CADM1: variants seen among roughly 807,000 people sequenced by gnomAD.
CADM1 encodes the protein TSLC-1.
A neutral mutation model predicts 53.1 loss-of-function variants in CADM1; 15 were observed. That is an observed-to-expected ratio of 0.28 (90% CI 0.19 to 0.44). The LOEUF (loss-of-function observed/expected upper bound fraction) is 0.44. Among genes scored for constraint, CADM1 ranks in the 20% least tolerant of loss-of-function variants. The probability of loss-of-function intolerance (pLI) is 1.00; values close to 1 mark genes in which losing one functional copy is unlikely to be tolerated. For missense variants in CADM1, 434 were observed against 611.3 expected (o/e 0.71, Z 3.06); for synonymous variants, 281 against 243.0 (o/e 1.16, Z -1.45).
intron 1 of CADM1, among the ~76,000 whole-genome samples, chr11:115,484,805 G>A (rs1340020339): frequency 6.6e-6 from 1 of 151,984 alleles, no homozygotes. Context: ...AAATTAGCCG[G>A]GCGTGGTGGC....
intron 1 of CADM1, among the ~76,000 whole-genome samples, chr11:115,435,666 G>A (rs780541785): frequency 4.6e-5 from 7 of 152,216 alleles, no homozygotes; most frequent in Non-Finnish European, 5.9e-5. Flanking sequence ...CTGGGAGGTG[G>A]AGGTTGCAGT....
At chr11:115,259,396 C>G (rs1353859893) in intron 1 of CADM1, among the ~76,000 whole-genome samples, 1 of 145,156 alleles carries the variant, frequency 6.9e-6, no homozygotes, top group South Asian at 2.2e-4. Flanking sequence ...ACCTCTGCCT[C>G]CCAGGTTTAA....
intron 1 of CADM1, among the ~76,000 whole-genome samples, chr11:115,434,196 A>AT (rs1458838987): frequency 5.3e-5 from 8 of 151,904 alleles, no homozygotes; most frequent in African/African-American, 1.2e-4. Flanking sequence ...CTGATCTTTT[A>AT]TTTTTTTATC....
intron 1 of CADM1, among the ~76,000 whole-genome samples, chr11:115,447,473 T>G (rs940089206): frequency 6.6e-5 from 10 of 152,190 alleles, no homozygotes; most frequent in African/African-American, 2.4e-4. Flanking sequence ...ATCACCCTTT[T>G]TGTCTGCTCT....
chr11:115,355,893 C>T (rs1002862800), intron 1 of CADM1, among the ~76,000 whole-genome samples: 8 of 152,262 alleles, frequency 5.3e-5, no homozygotes, highest in Admixed American at 2.6e-4. Context: ...GTACAAGTGG[C>T]GTGATCTTGG....
chr11:115,356,726 C>T (rs1409659274), intron 1 of CADM1, among the ~76,000 whole-genome samples: 1 of 152,156 alleles, frequency 6.6e-6, no homozygotes, highest in East Asian at 1.9e-4. Context: ...ATAACTACTG[C>T]TTTTAAGCTA....
intron 1 of CADM1, among the ~76,000 whole-genome samples, chr11:115,364,515 A>C (rs1464016252): frequency 6.6e-6 from 1 of 151,684 alleles, no homozygotes; most frequent in African/African-American, 2.4e-5. Context: ...AAAAGTCTTC[A>C]TGCATTTTCT....
At chr11:115,401,930 G>C (rs1947167973) in intron 1 of CADM1, among the ~76,000 whole-genome samples, 1 of 151,924 alleles carries the variant, frequency 6.6e-6, no homozygotes, top group African/African-American at 2.4e-5. Flanking sequence ...TTTTAATTTT[G>C]CTGTGAATTT....
At chr11:115,229,322 A>G (rs1170625116) in intron 4 of CADM1, 51 bp from the exon 5 acceptor site, 1 of 1,592,772 alleles carries the variant, frequency 6.3e-7, no homozygotes, top group Admixed American at 1.7e-5. Context: ...AATTTCCATC[A>G]GTTTGTTTTT....
intron 1 of CADM1, among the ~76,000 whole-genome samples, chr11:115,497,301 A>G (rs1283806561): frequency 6.6e-6 from 1 of 152,194 alleles, no homozygotes; most frequent in Non-Finnish European, 1.5e-5. Flanking sequence ...TATTCCAGTA[A>G]AACATCTACT....
intron 1 of CADM1, among the ~76,000 whole-genome samples, chr11:115,497,280 TC>T (rs1949638868): frequency 6.6e-6 from 1 of 152,186 alleles, no homozygotes; most frequent in South Asian, 2.1e-4. Context: ...AAATGTTAGG[TC>T]AAATGCCTGT....
At chr11:115,459,273 G>C (rs1948744658) in intron 1 of CADM1, among the ~76,000 whole-genome samples, 1 of 152,106 alleles carries the variant, frequency 6.6e-6, no homozygotes, top group South Asian at 2.1e-4. Context: ...TCTACTATCA[G>C]TGTATTACGT....
intron 1 of CADM1, among the ~76,000 whole-genome samples, chr11:115,441,896 G>T (rs1342371282): frequency 6.6e-6 from 1 of 152,054 alleles, no homozygotes; most frequent in South Asian, 2.1e-4. Context: ...ACCCATGATA[G>T]TTCTATTTTA....
At chr11:115,326,451 T>C (rs1444074464) in intron 1 of CADM1, among the ~76,000 whole-genome samples, 3 of 152,190 alleles carry the variant, frequency 2.0e-5, no homozygotes, top group Non-Finnish European at 4.4e-5. Flanking sequence ...TACAATGTCC[T>C]TCTTGTTATG....
chr11:115,321,966 C>CTTTAGATAAATGTATTATAATTTTGAGCA (rs1944836092), intron 1 of CADM1, among the ~76,000 whole-genome samples: 1 of 152,134 alleles, frequency 6.6e-6, no homozygotes, highest in African/African-American at 2.4e-5. Context: ...ATGCATCATC[C>CTTTAGATAAATGTATTATAATTTTGAGCA]ACATAACATA....
In CADM1 at chr11:115,178,729, G is replaced by T; in HGVS notation, c.1212C>A (p.Ala404=). The T allele has an allele frequency of 6.2e-7, 1 of 1,613,912 alleles. No homozygotes were observed. The highest frequency in any genetic ancestry group is 8.5e-7 in the Non-Finnish European group (1 of 1,179,962). ...CCACCGCCACGACGCCACCGATCAC[G>T]GCATGATCCACTGCCCTGATCGAGC... The part of the protein sequence containing the change: ...EEGSIRAVDH[A]VIGGVVAVVV... Residue 404 remains alanine (A), a synonymous_variant, in exon 11 of 12, where the codon GCC becomes GCA. Transcript: ENST00000331581.
At chr11:115,355,266 A>C (rs780269598) in intron 1 of CADM1, among the ~76,000 whole-genome samples, 10 of 152,236 alleles carry the variant, frequency 6.6e-5, no homozygotes, top group Non-Finnish European at 1.5e-4. Context: ...ACACTGTAGA[A>C]TACTATGCAG....
chr11:115,366,578 G>A (rs958500561), intron 1 of CADM1, among the ~76,000 whole-genome samples: 31 of 152,082 alleles, frequency 2.0e-4, no homozygotes, highest in African/African-American at 6.0e-4. Context: ...AAAGAAATAC[G>A]TCATTTTGTT....
chr11:115,190,729 G>T, intron 10 of CADM1, 159 bp downstream of exon 10: 2 of 583,156 alleles, frequency 3.4e-6, no homozygotes, highest in Non-Finnish European at 6.1e-6. Flanking sequence ...ACAGGTGAGT[G>T]GGTGACCGGG....
Sources: allele counts gnomAD v4.1 joint callset (sites outside exome capture counted in the v4.1 genomes callset), GRCh38; gene constraint gnomAD v4.1.1; transcripts MANE v1.5; gene names NCBI Gene and HGNC (gene_info 2026-07-23, HGNC 2026-07-21).